FAF1: variants seen among roughly 807,000 people sequenced by gnomAD.
FAF1 encodes FAS-associated factor 1.
In FAF1, 25 loss-of-function variants were observed where a neutral mutation model predicts 92.5. The observed-to-expected ratio is 0.27, with a 90% confidence interval of 0.20 to 0.38. The LOEUF is 0.38. Among genes scored for constraint, FAF1 ranks in the 10% least tolerant of loss-of-function variants. FAF1 has a pLI of 1.00. For synonymous variants in FAF1, 234 were observed against 273.2 expected (o/e 0.86, Z 1.42); for missense variants, 636 against 793.3 (o/e 0.80, Z 2.38).
At chr1:50,933,420 C>T (rs1645063539) in intron 1 of FAF1, among the ~76,000 whole-genome samples, 1 of 152,232 alleles carries the variant, frequency 6.6e-6, no homozygotes, top group African/African-American at 2.4e-5. Flanking sequence ...AGTCTCTTTG[C>T]TTAAAACATA....
At chr1:50,603,129 A>C (rs1337136376) in intron 8 of FAF1, among the ~76,000 whole-genome samples, 1 of 152,218 alleles carries the variant, frequency 6.6e-6, no homozygotes, top group East Asian at 1.9e-4. Context: ...ACAACTATTA[A>C]GGCTCTAAGA....
At chr1:50,590,955 C>G (rs1478895980) in intron 9 of FAF1, among the ~76,000 whole-genome samples, 1 of 151,176 alleles carries the variant, frequency 6.6e-6, no homozygotes, top group Non-Finnish European at 1.5e-5. Context: ...GTACTCCAGC[C>G]TGGGCAACAG....
intron 6 of FAF1, among the ~76,000 whole-genome samples, chr1:50,711,659 G>A (rs1421189100): frequency 6.6e-6 from 1 of 151,764 alleles, no homozygotes; most frequent in African/African-American, 2.4e-5. Context: ...TAGAGACAAG[G>A]TTTTACTATA....
intron 1 of FAF1, among the ~76,000 whole-genome samples, chr1:50,915,782 C>A (rs916874420): frequency 4.6e-5 from 7 of 152,084 alleles, no homozygotes; most frequent in African/African-American, 1.7e-4. Flanking sequence ...AAATTAGTCC[C>A]ATAGGAGGAT....
chr1:50,761,948 T>A (rs1253125679), intron 4 of FAF1, among the ~76,000 whole-genome samples: 10 of 152,070 alleles, frequency 6.6e-5, no homozygotes, highest in Admixed American at 1.3e-4. Context: ...CCCCATTGTC[T>A]CAGCCCAAAA....
chr1:50,441,162 G>A lies in FAF1; in HGVS notation c.*278C>T. 1 of 342,486 alleles carries A rather than the reference G, an allele frequency of 2.9e-6. No individual in the cohort carries two copies. Among genetic ancestry groups the A allele is most frequent in the Non-Finnish European group, 5.3e-6 (1 of 188,246 alleles). The allele number at this position is 342,486 out of a possible 1,614,324, so 21.2% of individuals were successfully genotyped here. ...TTCTATTTAGTGATCACTCACACTT[G>A]AACAATGCATTCGTCATTGAAGGAG... On this transcript the variant is annotated 3_prime_UTR_variant, in exon 19 of 19. Coordinates refer to ENST00000396153, the MANE Select transcript of FAF1 (RefSeq NM_007051.3).
At chr1:50,727,973 C>A (rs1387244723) in intron 6 of FAF1, among the ~76,000 whole-genome samples, 1 of 152,194 alleles carries the variant, frequency 6.6e-6, no homozygotes. Flanking sequence ...CCCTCCACTG[C>A]TTCCTTGCTT....
intron 13 of FAF1, among the ~76,000 whole-genome samples, chr1:50,554,058 G>A (rs956785237): frequency 4.0e-5 from 6 of 151,390 alleles, no homozygotes; most frequent in Admixed American, 2.6e-4. Context: ...CTCTAAGACT[G>A]GGTGAATTTC....
intron 4 of FAF1, among the ~76,000 whole-genome samples, chr1:50,750,390 A>C (rs2124508385): frequency 6.6e-6 from 1 of 152,274 alleles, no homozygotes; most frequent in South Asian, 2.1e-4. Context: ...TAATTGGATT[A>C]TGATTTATAT....
At chr1:50,694,086 A>ATGACATATACATGACATATATAT (rs994631071) in intron 7 of FAF1, among the ~76,000 whole-genome samples, 1 of 133,644 alleles carries the variant, frequency 7.5e-6, no homozygotes, top group African/African-American at 4.1e-5. Flanking sequence ...ACATATATAT[A>ATGACATATACATGACATATATAT]AAAAAAACTG....
At chr1:50,472,357 T>G (rs1646583913) in intron 18 of FAF1, among the ~76,000 whole-genome samples, 1 of 131,548 alleles carries the variant, frequency 7.6e-6, no homozygotes, top group African/African-American at 2.9e-5. Flanking sequence ...TTAGCAAAAT[T>G]GGGGAAAACA....
Position 50,960,248 on chromosome 1 carries a change from C to T in FAF1, c.-437G>A, listed in dbSNP as rs1355982801. 3 of 331,754 alleles carry T rather than the reference C, an allele frequency of 9.0e-6. No homozygotes were observed. The allele number at this position is 331,754 out of a possible 1,614,324, so 20.6% of individuals were successfully genotyped here. ...CCGCCTCCTCCGCTTCCTCCCTGGC[C>T]GCCGCCTCCGCCCCTGGTTGGCCAG... On this transcript the variant is annotated 5_prime_UTR_variant, in exon 1 of 19. Transcript: ENST00000396153.
intron 1 of FAF1, among the ~76,000 whole-genome samples, chr1:50,921,421 G>A (rs763083373): frequency 9.9e-5 from 15 of 152,228 alleles, no homozygotes; most frequent in Non-Finnish European, 1.9e-4. Context: ...AATGTTTAAG[G>A]AGGTCCTACA....
At chr1:50,930,548 G>T (rs955518728) in intron 1 of FAF1, among the ~76,000 whole-genome samples, 8 of 152,112 alleles carry the variant, frequency 5.3e-5, no homozygotes, top group African/African-American at 1.7e-4. Flanking sequence ...TAATAATAAT[G>T]CAGGTGGCCA....
At chr1:50,608,753 G>A (rs1007686576) in intron 8 of FAF1, among the ~76,000 whole-genome samples, 1 of 152,154 alleles carries the variant, frequency 6.6e-6, no homozygotes, top group Non-Finnish European at 1.5e-5. Flanking sequence ...ACTATACTTC[G>A]TTGCAGAGGT....
chr1:50,749,223 G>C (rs1045431538), intron 4 of FAF1, among the ~76,000 whole-genome samples: 2 of 152,148 alleles, frequency 1.3e-5, no homozygotes, highest in Admixed American at 1.3e-4. Flanking sequence ...GTCTGGAACT[G>C]AGCTTATGCA....
chr1:50,575,647 C>T (rs937195724), intron 12 of FAF1, among the ~76,000 whole-genome samples: 4 of 152,140 alleles, frequency 2.6e-5, no homozygotes, highest in African/African-American at 9.7e-5. Flanking sequence ...TTATTTCACA[C>T]ATGTGCAGGA....
chr1:50,889,018 A>G (rs1644695509), intron 1 of FAF1, among the ~76,000 whole-genome samples: 2 of 152,118 alleles, frequency 1.3e-5, no homozygotes, highest in Non-Finnish European at 2.9e-5. Context: ...TTGGTAAGCT[A>G]TTAATTATTG....
At chr1:50,760,787 C>A (rs1258560442) in intron 4 of FAF1, among the ~76,000 whole-genome samples, 1 of 151,984 alleles carries the variant, frequency 6.6e-6, no homozygotes, top group East Asian at 1.9e-4. Flanking sequence ...ACTAGAAAAG[C>A]AAAAGCAAAC....
Sources: allele counts gnomAD v4.1 joint callset (sites outside exome capture counted in the v4.1 genomes callset), GRCh38; gene constraint gnomAD v4.1.1; transcripts MANE v1.5; gene names NCBI Gene and HGNC (gene_info 2026-07-23, HGNC 2026-07-21).